The following GUCY1A1 variants were observed in gnomAD, a reference collection of about 807,000 sequenced individuals.
GUCY1A1 encodes guanylate cyclase 1 soluble subunit alpha 1, also known as guanylate cyclase soluble subunit alpha-1.
In GUCY1A1, 48 loss-of-function variants were observed where a neutral mutation model predicts 64.5. The ratio of observed to expected loss-of-function variants is 0.74; its 90% CI spans 0.59 to 0.95. GUCY1A1 has a LOEUF of 0.95. GUCY1A1 is among the 40% of genes least tolerant of loss of function. The pLI is 0.00. For synonymous variants in GUCY1A1, 308 were observed against 303.4 expected (o/e 1.02, Z -0.16); for missense variants, 804 against 825.3 (o/e 0.97, Z 0.32).
chr4:155,700,207 A>C lies in GUCY1A1; in HGVS notation c.255+3085A>C, dbSNP rs544675724. Among the ~76,000 whole-genome samples, 39 of 152,300 alleles carry C rather than the reference A, an allele frequency of 2.6e-4. No homozygotes were observed. In the South Asian group the frequency reaches 8.1e-3, roughly 32 times the overall value. ...GAGCCACAGTCAAAGCAAATCAGAA[A>C]CCACTTACTGAATTGAAATAATTGA... On this transcript the variant is annotated intron_variant, in intron 3 of 9. Coordinates refer to ENST00000506455, the MANE Select transcript of GUCY1A1 (RefSeq NM_001130682.3).
Position 155,696,835 on chromosome 4 carries a change from G to C in GUCY1A1, c.-33G>C. On this transcript the variant is annotated 5_prime_UTR_variant, in exon 3 of 10. Transcript: ENST00000506455. Reference sequence around the variant, plus strand: ...ATATAAGAACTACAGCTCATCAGGAGGAGATCGCAGCAGGGTAAGAGACAC... The same window carrying C: ...ATATAAGAACTACAGCTCATCAGGACGAGATCGCAGCAGGGTAAGAGACAC... 6.2e-7 allele frequency: 1 copy of C among 1,605,462 alleles called. No homozygotes were observed. Among genetic ancestry groups the C allele is most frequent in the Non-Finnish European group, 8.5e-7 (1 of 1,173,026 alleles).
intron 2 of GUCY1A1, among the ~76,000 whole-genome samples, chr4:155,684,811 GGAGTCTCCTTA>G (rs1389628908): frequency 5.3e-5 from 8 of 152,222 alleles, no homozygotes; most frequent in African/African-American, 1.9e-4. Flanking sequence ...GTTTTCAAAG[GGAGTCTCCTTA>G]GAGTTCACTG....
Position 155,730,887 on chromosome 4 carries a change from A to G in GUCY1A1, c.*656A>G, listed in dbSNP as rs151019779. 4 of 153,336 alleles carry G rather than the reference A, an allele frequency of 2.6e-5. No individual in the cohort carries two copies. In the East Asian group the frequency reaches 5.8e-4, roughly 22 times the overall value. 9.5% of individuals were successfully genotyped at this position (153,336 alleles called of 1,614,324 possible). ...GGAAGTTAAAAATACTCTCCATAGT[A>G]ACGTGTGTTATAATAATAAATATTT... is the stretch of plus-strand genomic sequence containing the variant. On this transcript the variant is annotated 3_prime_UTR_variant, in exon 10 of 10. Transcript: ENST00000506455.
intron 6 of GUCY1A1, among the ~76,000 whole-genome samples, chr4:155,711,622 G>A (rs1732587474): frequency 6.6e-6 from 1 of 152,076 alleles, no homozygotes; most frequent in Non-Finnish European, 1.5e-5. Flanking sequence ...CTTGTAGGAG[G>A]CAACTAAATG....
At position 155,709,787 on chromosome 4, in the gene GUCY1A1, C is replaced by T. The variant is rs188979086; in HGVS notation, c.377-755C>T. Reference sequence around the variant, plus strand: ...GGCAGAGCTTACAGTGAGCCGAGATCGCACCACTGCACTCCAGCCTGGGCG... The same window carrying T: ...GGCAGAGCTTACAGTGAGCCGAGATTGCACCACTGCACTCCAGCCTGGGCG... On this transcript the variant is annotated intron_variant, in intron 5 of 9. Coordinates refer to ENST00000506455, the MANE Select transcript of GUCY1A1 (RefSeq NM_001130682.3). 2.6e-4 allele frequency among the ~76,000 whole-genome samples: 39 copies of T among 152,074 alleles called. No homozygotes were observed. The East Asian group carries it at 6.0e-3, about 23-fold the overall frequency.
intron 7 of GUCY1A1, among the ~76,000 whole-genome samples, chr4:155,714,744 C>T (rs1733014045): frequency 6.6e-6 from 1 of 152,032 alleles, no homozygotes; most frequent in Admixed American, 6.6e-5. Flanking sequence ...AGAAGTAAAA[C>T]CTTACTTTTA....
At chr4:155,676,308 T>G (rs1307242319) in intron 2 of GUCY1A1, among the ~76,000 whole-genome samples, 65 of 150,582 alleles carry the variant, frequency 4.3e-4, no homozygotes, top group Non-Finnish European at 7.2e-4. Flanking sequence ...TGGTTTTTTT[T>G]TTTTTTTTTT....
intron 2 of GUCY1A1, among the ~76,000 whole-genome samples, chr4:155,685,603 G>GTTTTTTTTTTTTTTTTTTTTTT (rs70954055): frequency 6.4e-5 from 7 of 108,854 alleles, no homozygotes; most frequent in Admixed American, 1.2e-4. Context: ...TTCTCCTTGT[G>GTTTTTTTTTTTTTTTTTTTTTT]TTTTTTTTTT....
At chr4:155,704,418 G>T (rs1731472171) in intron 4 of GUCY1A1, among the ~76,000 whole-genome samples, 1 of 152,132 alleles carries the variant, frequency 6.6e-6, no homozygotes, top group South Asian at 2.1e-4. Context: ...GAAGGATGCT[G>T]CCAAAGTTTT....
chr4:155,697,767 A>G (rs1050720496), intron 3 of GUCY1A1, among the ~76,000 whole-genome samples: 5 of 152,166 alleles, frequency 3.3e-5, no homozygotes, highest in Non-Finnish European at 7.4e-5. Flanking sequence ...TAGCCCTGCA[A>G]GCTGCATAGC....
chr4:155,689,511 G>A (rs563901176), intron 2 of GUCY1A1, among the ~76,000 whole-genome samples: 3 of 152,144 alleles, frequency 2.0e-5, no homozygotes, highest in African/African-American at 7.2e-5. Context: ...TAATCCCAAA[G>A]GTTTTTCTCT....
rs540815868 is a variant in GUCY1A1 at position 155,676,726 on chromosome 4, T to G, written c.-113+9307T>G. Among the ~76,000 whole-genome samples, 95 of 151,712 alleles carry G rather than the reference T, an allele frequency of 6.3e-4. 6 individuals are homozygous for G. Among genetic ancestry groups the G allele is most frequent in the African/African-American group, 2.2e-3 (92 of 40,960 alleles). ...TACTGCCTGACTGCAGCTTTATTCT[T>G]GATCATTCTCTTCCTTGAGTAGTGT... On this transcript the variant is annotated intron_variant, in intron 2 of 9. Coordinates refer to ENST00000506455, the MANE Select transcript of GUCY1A1 (RefSeq NM_001130682.3).
At chr4:155,729,320 G>T (rs1165374117) in intron 9 of GUCY1A1, among the ~76,000 whole-genome samples, 1 of 151,764 alleles carries the variant, frequency 6.6e-6, no homozygotes, top group Admixed American at 6.6e-5. Flanking sequence ...AATGGAAAGA[G>T]ATGCCAATAG....
chr4:155,726,890 C>T (rs891216339), intron 9 of GUCY1A1, among the ~76,000 whole-genome samples: 3 of 151,868 alleles, frequency 2.0e-5, no homozygotes, highest in Admixed American at 1.3e-4. Flanking sequence ...GTCAGTGGGT[C>T]AATGTTAGAG....
At chr4:155,702,816 G>A (rs1050862819) in intron 3 of GUCY1A1, among the ~76,000 whole-genome samples, 5 of 151,376 alleles carry the variant, frequency 3.3e-5, no homozygotes, top group African/African-American at 1.2e-4. Context: ...GATCTATTTT[G>A]GTTTACTCCA....
chr4:155,709,501 C>T (rs574314006), intron 5 of GUCY1A1, among the ~76,000 whole-genome samples: 2 of 152,122 alleles, frequency 1.3e-5, no homozygotes, highest in South Asian at 4.2e-4. Flanking sequence ...GCCTGTGTGC[C>T]TGCAGCTCTA....
intron 9 of GUCY1A1, among the ~76,000 whole-genome samples, chr4:155,728,038 G>T (rs1734973147): frequency 6.6e-6 from 1 of 151,876 alleles, no homozygotes; most frequent in African/African-American, 2.4e-5. Context: ...TTTAGGTCCT[G>T]CCAGATAGAA....
chr4:155,669,086 G>A lies in GUCY1A1; in HGVS notation c.-113+1667G>A, dbSNP rs185535208. The stretch of plus-strand genomic sequence containing the variant: ...GTCTACATACAGCCTGCAGACATAG[G>A]CTAGAAGGAAAATTCTAGAACAATT... On this transcript the variant is annotated intron_variant, in intron 2 of 9. Transcript: ENST00000506455. 2.2e-4 allele frequency among the ~76,000 whole-genome samples: 34 copies of A among 152,172 alleles called. 1 individual carries two copies. The East Asian group carries it at 6.0e-3, about 27-fold the overall frequency.
At chr4:155,687,393 C>T (rs1729138410) in intron 2 of GUCY1A1, among the ~76,000 whole-genome samples, 1 of 151,984 alleles carries the variant, frequency 6.6e-6, no homozygotes, top group Non-Finnish European at 1.5e-5. Context: ...AAATTATGGA[C>T]CTATGGATGC....
Sources: allele counts gnomAD v4.1 joint callset (sites outside exome capture counted in the v4.1 genomes callset), GRCh38; gene constraint gnomAD v4.1.1; transcripts MANE v1.5; gene names NCBI Gene and HGNC (gene_info 2026-07-23, HGNC 2026-07-21).